Variants in IGF1R observed in about 807,000 individuals in gnomAD.
IGF1R encodes the protein insulin like growth factor 1 receptor.
A neutral mutation model predicts 144.6 loss-of-function variants in IGF1R; 44 were observed. The observed-to-expected ratio is 0.30, with a 90% CI of 0.24 to 0.39. The LOEUF is 0.39. Ranked by LOEUF, IGF1R falls within the 10% of genes least tolerant of loss-of-function variation. The pLI, the probability that IGF1R is intolerant of heterozygous loss-of-function variation, is 1.00. For missense variants in IGF1R, 1,355 were observed against 1,833.7 expected (o/e 0.74, Z 4.77); for synonymous variants, 795 against 722.8 (o/e 1.10, Z -1.60).
intron 1 of IGF1R, among the ~76,000 whole-genome samples, chr15:98,706,307 C>T (rs1189674582): frequency 1.3e-5 from 2 of 152,202 alleles, no homozygotes; most frequent in East Asian, 1.9e-4. Flanking sequence ...ATCTGAGAAG[C>T]TTTAATAGTG....
chr15:98,761,862 G>T (rs190077303), intron 2 of IGF1R, among the ~76,000 whole-genome samples: 81 of 152,356 alleles, frequency 5.3e-4, no homozygotes, highest in Middle Eastern at 6.8e-3. Context: ...TCAAGTGCCA[G>T]ACAACCCTTC....
chr15:98,927,910 C>T (rs2015785448), intron 13 of IGF1R, among the ~76,000 whole-genome samples: 2 of 152,142 alleles, frequency 1.3e-5, no homozygotes, highest in South Asian at 4.1e-4. Context: ...TTGGACGTCC[C>T]AGAGAGGTCT....
intron 2 of IGF1R, among the ~76,000 whole-genome samples, chr15:98,824,880 A>G (rs2056864462): frequency 2.0e-5 from 3 of 149,730 alleles, no homozygotes; most frequent in South Asian, 2.1e-4. Context: ...TCTGTCACCC[A>G]TGCTGGAGTG....
rs2017040716 is a variant in IGF1R, at chr15:98,957,361, CGA to C, written c.4028_4029del (p.Arg1343ThrfsTer30). ...TGCTGGTCCTCCGCGCCAGCTTCGA[CGA>C]GAGACAGCCTTACGCCCACATGAAC... is the stretch of plus-strand genomic sequence containing the variant. ...GVLVLRASFD[E>X]RQPYAHMNGG... On this transcript the variant is annotated frameshift_variant, in exon 21 of 21. Transcript: ENST00000650285. LOFTEE classifies it high-confidence loss of function. 2.5e-6 allele frequency: 4 copies of C among 1,612,254 alleles called. No individual in the cohort carries two copies. The highest frequency in any genetic ancestry group is 1.1e-5 in the South Asian group (1 of 91,050).
chr15:98,942,530 G>A (rs1028481657), intron 18 of IGF1R, among the ~76,000 whole-genome samples: 4 of 152,008 alleles, frequency 2.6e-5, no homozygotes, highest in East Asian at 1.9e-4. Flanking sequence ...ATACAGACAG[G>A]GTCTTGCTGT....
At chr15:98,679,785 G>C (rs1282036371) in intron 1 of IGF1R, among the ~76,000 whole-genome samples, 2 of 152,178 alleles carry the variant, frequency 1.3e-5, no homozygotes, top group Admixed American at 6.5e-5. Flanking sequence ...AAGGCATTGT[G>C]ATCATAGGAG....
chr15:98,890,046 A>C (rs1403812438), intron 2 of IGF1R, among the ~76,000 whole-genome samples: 2 of 152,208 alleles, frequency 1.3e-5, no homozygotes, highest in Non-Finnish European at 2.9e-5. Context: ...TGGGATGTAC[A>C]CCATGGATCT....
intron 17 of IGF1R, among the ~76,000 whole-genome samples, chr15:98,936,043 G>T (rs1390229308): frequency 6.6e-6 from 1 of 152,006 alleles, no homozygotes; most frequent in Non-Finnish European, 1.5e-5. Context: ...ACCCAGCTCC[G>T]TGCGCAAGAT....
Position 98,962,533 on chromosome 15 carries a change from C to T in IGF1R, c.*5091C>T, listed in dbSNP as rs1425071812. On this transcript the variant is annotated 3_prime_UTR_variant, in exon 21 of 21. Coordinates refer to ENST00000650285, the MANE Select transcript of IGF1R (RefSeq NM_000875.5). ...TTGCCAGAGATGCTGAAGATACAGA[C>T]CTTGGACAGGTCAGAGGGTTTCATT... The T allele has an allele frequency of 4.3e-6, 1 of 233,552 alleles. No individual in the cohort carries two copies. The highest frequency in any genetic ancestry group is 1.8e-4 in the South Asian group (1 of 5,528). 14.5% of individuals were successfully genotyped at this position (233,552 alleles called of 1,614,324 possible). A position where few individuals can be genotyped will look rare whatever the true frequency, so the allele number is the denominator to read the frequency against.
chr15:98,929,732 A>G (rs1488548908), intron 14 of IGF1R, 72 bp downstream of exon 14: 3 of 1,017,492 alleles, frequency 2.9e-6, no homozygotes, highest in East Asian at 2.4e-5. Context: ...AGTGAAGGTG[A>G]TATTTTTGAA....
chr15:98,918,631 A>G (rs2015352232), intron 10 of IGF1R, among the ~76,000 whole-genome samples: 1 of 152,126 alleles, frequency 6.6e-6, no homozygotes, highest in Non-Finnish European at 1.5e-5. Flanking sequence ...CTGTAATCCC[A>G]GCACTTTGGG....
intron 2 of IGF1R, among the ~76,000 whole-genome samples, chr15:98,805,176 G>T (rs1017266290): frequency 2.0e-5 from 3 of 152,118 alleles, no homozygotes; most frequent in African/African-American, 7.2e-5. Flanking sequence ...CATTACAGGG[G>T]AGTCTTATAT....
At chr15:98,948,758 A>G in intron 20 of IGF1R, 50 bp downstream of exon 20, 3 of 1,600,418 alleles carry the variant, frequency 1.9e-6, no homozygotes, top group Non-Finnish European at 2.6e-6. Context: ...CTTCTCAAAT[A>G]CCTGTTTTCT....
intron 1 of IGF1R, among the ~76,000 whole-genome samples, chr15:98,653,759 T>G (rs1220026477): frequency 6.6e-6 from 1 of 152,252 alleles, no homozygotes; most frequent in East Asian, 1.9e-4. Context: ...CTTAGTTTAC[T>G]AATAAAAATG....
In IGF1R at chr15:98,649,962, C is replaced by T. The variant is rs574745420; in HGVS notation, c.94+287C>T. Reference sequence around the variant, plus strand: ...CCCAGCCGTGTTTCCCGGCTAGGCGCGAGGACTCGGTAGGGAAGTTGGTGC... The same window carrying T: ...CCCAGCCGTGTTTCCCGGCTAGGCGTGAGGACTCGGTAGGGAAGTTGGTGC... On this transcript the variant is annotated intron_variant, in intron 1 of 20. Transcript: ENST00000650285. Among the ~76,000 whole-genome samples, 27 of 152,308 alleles carry T rather than the reference C, an allele frequency of 1.8e-4. No homozygotes were observed. In the South Asian group the frequency reaches 5.2e-3, roughly 29 times the overall value.
In IGF1R at chr15:98,899,300, C is replaced by A. The variant is rs536737354; in HGVS notation, c.1103-177C>A. Among the ~76,000 whole-genome samples the A allele has an allele frequency of 1.1e-4, 16 of 152,310 alleles. 2 individuals are homozygous for A. The highest frequency in any genetic ancestry group is 3.9e-4 in the African/African-American group (16 of 41,556). The stretch of plus-strand genomic sequence containing the variant: ...GCCTGGGAGGCCTCGTTCCAGGAGT[C>A]GTTGTTGAGAGTCAAGCCAGGGAAG... On this transcript the variant is annotated intron_variant, in intron 4 of 20. Coordinates refer to ENST00000650285, the MANE Select transcript of IGF1R (RefSeq NM_000875.5).
At chr15:98,955,100 C>T (rs1453478451) in intron 20 of IGF1R, among the ~76,000 whole-genome samples, 2 of 152,162 alleles carry the variant, frequency 1.3e-5, no homozygotes, top group Admixed American at 6.5e-5. Flanking sequence ...TCTGTTCCCT[C>T]ATCTGTAACA....
intron 2 of IGF1R, among the ~76,000 whole-genome samples, chr15:98,808,502 A>G (rs1213769194): frequency 6.6e-6 from 1 of 152,142 alleles, no homozygotes; most frequent in Admixed American, 6.5e-5. Context: ...ATAGGGGCTT[A>G]AAAGCAAGTA....
At chr15:98,685,350 C>G (rs1317459) in intron 1 of IGF1R, among the ~76,000 whole-genome samples, 19,427 of 152,164 alleles carry the variant, frequency 0.13, 2,478 homozygotes, top group African/African-American at 0.33. Flanking sequence ...ATGTTGAGTT[C>G]TTTAGATGCC....
Sources: allele counts gnomAD v4.1 joint callset (sites outside exome capture counted in the v4.1 genomes callset), GRCh38; gene constraint gnomAD v4.1.1; transcripts MANE v1.5; gene names NCBI Gene and HGNC (gene_info 2026-07-23, HGNC 2026-07-21).